The following CDH10 variants were observed in gnomAD, a reference collection of about 807,000 sequenced individuals.
CDH10 encodes cadherin 10.
In CDH10, 30 loss-of-function variants were observed where a neutral mutation model predicts 73.1. The ratio of observed to expected loss-of-function variants is 0.41; its 90% CI spans 0.31 to 0.56. CDH10 has a LOEUF of 0.56. CDH10 is among the 20% of genes least tolerant of loss of function. The pLI is 0.27. For synonymous variants in CDH10, 345 were observed against 348.2 expected (o/e 0.99, Z 0.10); for missense variants, 815 against 973.7 (o/e 0.84, Z 2.17).
intron 8 of CDH10, among the ~76,000 whole-genome samples, chr5:24,499,027 G>A (rs1038105748): frequency 6.6e-6 from 1 of 152,124 alleles, no homozygotes; most frequent in Non-Finnish European, 1.5e-5. Context: ...CGAAGAAATA[G>A]TTTTAAATAA....
chr5:24,606,884 T>C (rs923763884), intron 1 of CDH10, among the ~76,000 whole-genome samples: 1 of 152,218 alleles, frequency 6.6e-6, no homozygotes, highest in Non-Finnish European at 1.5e-5. Context: ...TATTCTACTC[T>C]GAGACATTGG....
At chr5:24,549,186 T>A (rs1433489213) in intron 2 of CDH10, among the ~76,000 whole-genome samples, 1 of 151,828 alleles carries the variant, frequency 6.6e-6, no homozygotes, top group Non-Finnish European at 1.5e-5. Flanking sequence ...AAAACGAAAA[T>A]TACATAAGGT....
At chr5:24,562,820 T>TA (rs1745008280) in intron 2 of CDH10, among the ~76,000 whole-genome samples, 3 of 151,998 alleles carry the variant, frequency 2.0e-5, no homozygotes, top group Non-Finnish European at 4.4e-5. Context: ...ATACCTTTTT[T>TA]TAAAAAAACT....
At chr5:24,602,213 C>T (rs772340138) in intron 1 of CDH10, among the ~76,000 whole-genome samples, 11 of 152,088 alleles carry the variant, frequency 7.2e-5, no homozygotes, top group Non-Finnish European at 1.2e-4. Flanking sequence ...TCAGACATTA[C>T]AAGAGATTAT....
chr5:24,604,181 T>G (rs949896186), intron 1 of CDH10, among the ~76,000 whole-genome samples: 3 of 151,956 alleles, frequency 2.0e-5, no homozygotes, highest in African/African-American at 7.3e-5. Flanking sequence ...AGACCCCATA[T>G]CTACAAAAAA....
chr5:24,598,633 A>G (rs1455215725), intron 1 of CDH10, among the ~76,000 whole-genome samples: 1 of 152,066 alleles, frequency 6.6e-6, no homozygotes, highest in East Asian at 1.9e-4. Context: ...AAGGCAATCA[A>G]TATATCACTG....
At chr5:24,590,399 TTA>T (rs1746158752) in intron 2 of CDH10, among the ~76,000 whole-genome samples, 2 of 151,546 alleles carry the variant, frequency 1.3e-5, no homozygotes, top group Non-Finnish European at 2.9e-5. Context: ...ATAGTATATA[TTA>T]TGTTAGTGTA....
intron 2 of CDH10, among the ~76,000 whole-genome samples, chr5:24,538,958 T>G (rs541986479): frequency 6.6e-6 from 1 of 152,126 alleles, no homozygotes; most frequent in African/African-American, 2.4e-5. Context: ...ACAGTTTTAT[T>G]ATGTGCAATG....
chr5:24,555,835 T>A (rs1257717008), intron 2 of CDH10, among the ~76,000 whole-genome samples: 2 of 151,578 alleles, frequency 1.3e-5, no homozygotes, highest in Non-Finnish European at 2.9e-5. Flanking sequence ...AAGGTTAACA[T>A]ACGTCTATTG....
At chr5:24,600,778 A>AG (rs1273115693) in intron 1 of CDH10, among the ~76,000 whole-genome samples, 1 of 152,188 alleles carries the variant, frequency 6.6e-6, no homozygotes, top group Admixed American at 6.6e-5. Context: ...TGCAAAGCTC[A>AG]GGGGGGAAAA....
chr5:24,607,095 A>C (rs1746786471), intron 1 of CDH10, among the ~76,000 whole-genome samples: 2 of 152,172 alleles, frequency 1.3e-5, no homozygotes, highest in South Asian at 4.1e-4. Flanking sequence ...AGCTTCAGCA[A>C]ACAGGGAGTC....
chr5:24,550,182 A>AG (rs1161124526), intron 2 of CDH10, among the ~76,000 whole-genome samples: 3 of 152,180 alleles, frequency 2.0e-5, no homozygotes, highest in African/African-American at 7.2e-5. Context: ...ATAGAAGAAA[A>AG]GGGGGCAAAT....
At chr5:24,536,967 A>G (rs966274143) in intron 3 of CDH10, among the ~76,000 whole-genome samples, 1 of 151,974 alleles carries the variant, frequency 6.6e-6, no homozygotes, top group Admixed American at 6.6e-5. Context: ...CATATTCCAG[A>G]TGAAATTTTT....
chr5:24,640,357 G>A (rs1748009003), intron 1 of CDH10, among the ~76,000 whole-genome samples: 1 of 151,630 alleles, frequency 6.6e-6, no homozygotes, highest in Non-Finnish European at 1.5e-5. Context: ...ATGGGGATCA[G>A]CAGGGCTCTG....
Position 24,487,300 on chromosome 5 carries a change from C to T in CDH10, c.*363G>A, listed in dbSNP as rs967322778. 5.3e-6 allele frequency: 1 copy of T among 187,252 alleles called. No individual in the cohort carries two copies. The highest frequency in any genetic ancestry group is 2.4e-5 in the African/African-American group (1 of 42,168). 11.6% of individuals were successfully genotyped at this position (187,252 alleles called of 1,614,324 possible). The stretch of plus-strand genomic sequence containing the variant: ...GGATATACTGTAAAATTTTTCTTCA[C>T]CTTTTTAAAAGCTTCATTTGCAAGG... On this transcript the variant is annotated 3_prime_UTR_variant, in exon 12 of 12. Coordinates refer to ENST00000264463, the MANE Select transcript of CDH10 (RefSeq NM_006727.5).
chr5:24,527,866 G>A (rs572711849), intron 5 of CDH10, among the ~76,000 whole-genome samples: 40 of 151,776 alleles, frequency 2.6e-4, no homozygotes, highest in Non-Finnish European at 4.9e-4. Context: ...GTGTGTGTAC[G>A]TGTGTCTGTG....
At chr5:24,518,661 A>G (rs2111802272) in intron 5 of CDH10, among the ~76,000 whole-genome samples, 1 of 152,148 alleles carries the variant, frequency 6.6e-6, no homozygotes, top group South Asian at 2.1e-4. Flanking sequence ...TGCCTCCAAG[A>G]TCACAAGATC....
At chr5:24,585,995 C>T (rs1335736147) in intron 2 of CDH10, among the ~76,000 whole-genome samples, 1 of 152,100 alleles carries the variant, frequency 6.6e-6, no homozygotes, top group Non-Finnish European at 1.5e-5. Flanking sequence ...AAAGCTCAGT[C>T]GTCTTGCACA....
At chr5:24,572,113 T>G (rs1186720745) in intron 2 of CDH10, among the ~76,000 whole-genome samples, 3 of 152,178 alleles carry the variant, frequency 2.0e-5, no homozygotes. Context: ...TAGATTTCTT[T>G]TGTGAAGTCT....
Sources: allele counts gnomAD v4.1 joint callset (sites outside exome capture counted in the v4.1 genomes callset), GRCh38; gene constraint gnomAD v4.1.1; transcripts MANE v1.5; gene names NCBI Gene and HGNC (gene_info 2026-07-23, HGNC 2026-07-21).